NKAIN2: variants seen among roughly 807,000 people sequenced by gnomAD.
NKAIN2 encodes the protein sodium/potassium-transporting ATPase subunit beta-1-interacting protein 2.
Under a neutral mutation model 32.6 loss-of-function variants are expected in NKAIN2, and 14 were observed. The observed-to-expected ratio is 0.43, with a 90% CI of 0.28 to 0.67. The LOEUF (loss-of-function observed/expected upper bound fraction) is 0.67. Among genes scored for constraint, NKAIN2 ranks in the 30% least tolerant of loss-of-function variants. The probability of loss-of-function intolerance (pLI) is 0.17; values close to 1 mark genes in which losing one functional copy is unlikely to be tolerated. For synonymous variants in NKAIN2, 80 were observed against 87.2 expected (o/e 0.92, Z 0.46); for missense variants, 198 against 258.3 (o/e 0.77, Z 1.60).
intron 4 of NKAIN2, among the ~76,000 whole-genome samples, chr6:124,741,561 T>G (rs1777212710): frequency 1.3e-5 from 2 of 151,250 alleles, no homozygotes; most frequent in African/African-American, 2.4e-5. Flanking sequence ...ACAAAGGGAG[T>G]GCTTATCTCT....
At chr6:124,749,578 G>A (rs1199722136) in intron 4 of NKAIN2, among the ~76,000 whole-genome samples, 1 of 151,852 alleles carries the variant, frequency 6.6e-6, no homozygotes, top group Non-Finnish European at 1.5e-5. Flanking sequence ...AGATTTTATG[G>A]TGGAGTCACA....
chr6:124,054,073 A>C (rs983923070), intron 1 of NKAIN2, among the ~76,000 whole-genome samples: 36 of 152,104 alleles, frequency 2.4e-4, no homozygotes, highest in African/African-American at 8.4e-4. Flanking sequence ...TGTCATCTTC[A>C]CAACAGTACT....
intron 3 of NKAIN2, among the ~76,000 whole-genome samples, chr6:124,422,995 G>T (rs1774824968): frequency 6.6e-6 from 1 of 152,026 alleles, no homozygotes; most frequent in Non-Finnish European, 1.5e-5. Context: ...GATAAAAATA[G>T]GAAAACACAT....
At chr6:124,819,206 T>G in intron 6 of NKAIN2, 1 of 562,416 alleles carries the variant, frequency 1.8e-6, no homozygotes, top group Non-Finnish European at 2.3e-6. Context: ...AAATGTGAAC[T>G]TCTCTTTGAA....
intron 1 of NKAIN2, among the ~76,000 whole-genome samples, chr6:124,239,948 A>G (rs1792990637): frequency 6.6e-6 from 1 of 152,184 alleles, no homozygotes; most frequent in East Asian, 1.9e-4. Flanking sequence ...AAATCAATGA[A>G]TCCAGGAGCT....
In NKAIN2 at chr6:124,409,949, C is replaced by A. The variant is rs1358350516; in HGVS notation, c.273+54602C>A. 2.0e-5 allele frequency among the ~76,000 whole-genome samples: 3 copies of A among 152,216 alleles called. No homozygotes were observed. The East Asian group carries it at 5.8e-4, about 29-fold the overall frequency. On this transcript the variant is annotated intron_variant, in intron 3 of 6. Transcript: ENST00000368417. Reference sequence around the variant, plus strand: ...GGGTGTATGTGTCGAGGAATTTATCCATTTCTTCTAGATTTTCTAGTTTAT... The same window carrying A: ...GGGTGTATGTGTCGAGGAATTTATCAATTTCTTCTAGATTTTCTAGTTTAT...
At chr6:123,848,351 T>G (rs1249604578) in intron 1 of NKAIN2, among the ~76,000 whole-genome samples, 1 of 152,140 alleles carries the variant, frequency 6.6e-6, no homozygotes, top group Non-Finnish European at 1.5e-5. Context: ...CCCACCCAAA[T>G]CTCATCTTGA....
chr6:124,217,042 T>C (rs1289123313), intron 1 of NKAIN2, among the ~76,000 whole-genome samples: 2 of 152,186 alleles, frequency 1.3e-5, no homozygotes, highest in Non-Finnish European at 2.9e-5. Context: ...GATGTTAATA[T>C]GACCAAAGTT....
chr6:124,074,161 T>C (rs865871058), intron 1 of NKAIN2, among the ~76,000 whole-genome samples: 7 of 152,170 alleles, frequency 4.6e-5, no homozygotes, highest in African/African-American at 1.7e-4. Flanking sequence ...TTCCTCAAGA[T>C]TGTGACAGGG....
At chr6:124,654,571 A>G (rs1784472840) in intron 3 of NKAIN2, among the ~76,000 whole-genome samples, 2 of 152,170 alleles carry the variant, frequency 1.3e-5, no homozygotes, top group African/African-American at 4.8e-5. Flanking sequence ...CTGCTCCCCT[A>G]AACTTATGTT....
intron 1 of NKAIN2, among the ~76,000 whole-genome samples, chr6:123,905,835 G>A (rs1774838544): frequency 6.6e-6 from 1 of 152,126 alleles, no homozygotes; most frequent in Admixed American, 6.5e-5. Context: ...TTGAATTAAT[G>A]CATGCTGTGA....
At chr6:123,811,424 G>C (rs1452269804) in intron 1 of NKAIN2, among the ~76,000 whole-genome samples, 17 of 70,744 alleles carry the variant, frequency 2.4e-4, no homozygotes, top group African/African-American at 1.4e-4. Context: ...GGGGGTTGTG[G>C]GGGGGTGGGG....
intron 1 of NKAIN2, among the ~76,000 whole-genome samples, chr6:123,821,371 A>ATGT (rs1260659015): frequency 6.6e-6 from 1 of 152,196 alleles, no homozygotes; most frequent in Non-Finnish European, 1.5e-5. Context: ...GATAGTACTA[A>ATGT]TGTTGATGTA....
chr6:124,803,949 T>C (rs1780394313), intron 5 of NKAIN2, among the ~76,000 whole-genome samples: 1 of 152,246 alleles, frequency 6.6e-6, no homozygotes, highest in Non-Finnish European at 1.5e-5. Flanking sequence ...TACACACATA[T>C]GACACCTGAT....
chr6:123,815,923 T>G (rs1048466910), intron 1 of NKAIN2, among the ~76,000 whole-genome samples: 6 of 152,126 alleles, frequency 3.9e-5, no homozygotes, highest in African/African-American at 1.4e-4. Flanking sequence ...AAATGTGGCA[T>G]GGTAGATATA....
chr6:124,048,263 G>A (rs1439489613), intron 1 of NKAIN2, among the ~76,000 whole-genome samples: 6 of 151,936 alleles, frequency 3.9e-5, no homozygotes, highest in African/African-American at 1.4e-4. Context: ...CTATTTTGGG[G>A]CTTTTACAAA....
At chr6:123,843,031 C>A (rs1774939049) in intron 1 of NKAIN2, among the ~76,000 whole-genome samples, 1 of 152,138 alleles carries the variant, frequency 6.6e-6, no homozygotes, top group Non-Finnish European at 1.5e-5. Flanking sequence ...TGGGTGCTGG[C>A]AGGAATGAAC....
intron 1 of NKAIN2, among the ~76,000 whole-genome samples, chr6:123,944,775 G>A (rs1776990010): frequency 6.6e-6 from 1 of 151,940 alleles, no homozygotes; most frequent in Admixed American, 6.6e-5. Flanking sequence ...TTATTCAGTA[G>A]CAACTTCCAA....
intron 3 of NKAIN2, among the ~76,000 whole-genome samples, chr6:124,390,516 T>C (rs1187420075): frequency 6.6e-6 from 1 of 152,114 alleles, no homozygotes; most frequent in Admixed American, 6.6e-5. Flanking sequence ...CATCTGCAGA[T>C]GAAGATTTGT....
Sources: allele counts gnomAD v4.1 joint callset (sites outside exome capture counted in the v4.1 genomes callset), GRCh38; gene constraint gnomAD v4.1.1; transcripts MANE v1.5; gene names NCBI Gene and HGNC (gene_info 2026-07-23, HGNC 2026-07-21).